RABGAP1: variants seen among roughly 807,000 people sequenced by gnomAD.
The protein encoded by RABGAP1 is rab GTPase-activating protein 1.
In RABGAP1, 23 loss-of-function variants were observed where a neutral mutation model predicts 137.6. That is an observed-to-expected ratio of 0.17 (90% CI 0.12 to 0.24). The LOEUF (loss-of-function observed/expected upper bound fraction) is 0.24, where lower values mean the gene tolerates loss of function less well. RABGAP1 is among the 10% of genes least tolerant of loss of function. The probability of loss-of-function intolerance (pLI) is 1.00; values close to 1 mark genes in which losing one functional copy is unlikely to be tolerated. For missense variants in RABGAP1, 906 were observed against 1,275.8 expected (o/e 0.71, Z 4.42); for synonymous variants, 451 against 450.7 (o/e 1.00, Z -0.01).
At chr9:123,000,200 C>T (rs1837247210) in intron 10 of RABGAP1, among the ~76,000 whole-genome samples, 2 of 151,958 alleles carry the variant, frequency 1.3e-5, no homozygotes, top group African/African-American at 4.8e-5. Flanking sequence ...TTAAGTGATG[C>T]ATTGTAGAGA....
chr9:122,988,339 A>C (rs954220880), intron 4 of RABGAP1, among the ~76,000 whole-genome samples: 6 of 152,162 alleles, frequency 3.9e-5, no homozygotes, highest in African/African-American at 1.4e-4. Flanking sequence ...TTGAAATTGC[A>C]TAGTTTCTTT....
intron 13 of RABGAP1, chr9:123,029,755 G>A (rs1420459934): frequency 2.5e-5 from 15 of 609,870 alleles, no homozygotes; most frequent in Non-Finnish European, 4.1e-5. Flanking sequence ...GGGTGGCATC[G>A]TGAAGCTCGG....
At chr9:123,003,464 A>G (rs1471304081) in intron 10 of RABGAP1, among the ~76,000 whole-genome samples, 1 of 152,204 alleles carries the variant, frequency 6.6e-6, no homozygotes, top group Non-Finnish European at 1.5e-5. Context: ...TAAAATTTTA[A>G]CCATTTTCCG....
intron 8 of RABGAP1, 190 bp from the exon 9 acceptor site, chr9:122,997,069 C>A: frequency 3.4e-6 from 2 of 591,368 alleles, no homozygotes; most frequent in South Asian, 2.0e-5. Flanking sequence ...TAAGCATATA[C>A]ATATAACTTC....
At chr9:123,095,455 C>T (rs918253362) in intron 21 of RABGAP1, among the ~76,000 whole-genome samples, 1 of 152,148 alleles carries the variant, frequency 6.6e-6, no homozygotes, top group Non-Finnish European at 1.5e-5. Flanking sequence ...AATCCCAGCA[C>T]TTTGGAGGCC....
chr9:122,979,795 G>C (rs1409543357), intron 2 of RABGAP1, among the ~76,000 whole-genome samples: 2 of 152,160 alleles, frequency 1.3e-5, no homozygotes, highest in East Asian at 1.9e-4. Context: ...TCTGGACTCT[G>C]TTCTGTGCCA....
chr9:123,096,713 C>T (rs576983169), intron 21 of RABGAP1, among the ~76,000 whole-genome samples: 14 of 152,260 alleles, frequency 9.2e-5, no homozygotes, highest in Non-Finnish European at 1.5e-4. Flanking sequence ...GGATTACAGG[C>T]GCCTGCCACC....
At chr9:122,992,060 A>C (rs1166994203) in intron 6 of RABGAP1, among the ~76,000 whole-genome samples, 2 of 151,600 alleles carry the variant, frequency 1.3e-5, no homozygotes, top group Non-Finnish European at 2.9e-5. Flanking sequence ...TTTTTGAGAC[A>C]GAGCCTTGCT....
intron 2 of RABGAP1, among the ~76,000 whole-genome samples, chr9:122,968,062 G>A (rs937715968): frequency 1.3e-5 from 2 of 151,972 alleles, no homozygotes; most frequent in Non-Finnish European, 2.9e-5. Context: ...TGGGTACATA[G>A]TAGGTGTATA....
chr9:123,022,607 A>C (rs1430246488), intron 13 of RABGAP1, among the ~76,000 whole-genome samples: 1 of 151,906 alleles, frequency 6.6e-6, no homozygotes, highest in African/African-American at 2.4e-5. Context: ...GGGTTTCACC[A>C]TATTGGCCAG....
intron 25 of RABGAP1, among the ~76,000 whole-genome samples, chr9:123,102,374 A>G (rs1409747893): frequency 6.6e-6 from 1 of 152,170 alleles, no homozygotes; most frequent in Non-Finnish European, 1.5e-5. Context: ...TATGGAGGGA[A>G]CAAGTTCAGG....
chr9:123,057,131 G>A (rs1192068000), intron 13 of RABGAP1, among the ~76,000 whole-genome samples: 6 of 149,398 alleles, frequency 4.0e-5, no homozygotes, highest in Non-Finnish European at 8.9e-5. Flanking sequence ...CCTCCCGGAC[G>A]GGGCGGCTGG....
chr9:123,086,528 G>C (rs2034871705), intron 19 of RABGAP1, among the ~76,000 whole-genome samples: 1 of 152,170 alleles, frequency 6.6e-6, no homozygotes, highest in Non-Finnish European at 1.5e-5. Flanking sequence ...TCCCCATTCG[G>C]GTTTCAGGCA....
At chr9:123,059,393 ATAAT>A (rs1186115302) in intron 13 of RABGAP1, among the ~76,000 whole-genome samples, 1 of 152,014 alleles carries the variant, frequency 6.6e-6, no homozygotes, top group African/African-American at 2.4e-5. Flanking sequence ...TCTCTACTAA[ATAAT>A]TAAAAAAATT....
intron 21 of RABGAP1, among the ~76,000 whole-genome samples, chr9:123,094,481 TAAA>T (rs1040190933): frequency 1.3e-5 from 2 of 152,258 alleles, no homozygotes; most frequent in Non-Finnish European, 1.5e-5. Flanking sequence ...TATAGTGAAA[TAAA>T]TTCACTTTTC....
intron 13 of RABGAP1, among the ~76,000 whole-genome samples, chr9:123,039,340 C>A (rs967946462): frequency 2.0e-5 from 3 of 152,164 alleles, no homozygotes; most frequent in African/African-American, 7.2e-5. Context: ...GGGACAGTGT[C>A]TCTTATCTGT....
intron 21 of RABGAP1, among the ~76,000 whole-genome samples, chr9:123,096,097 T>G (rs1019435050): frequency 6.6e-6 from 1 of 152,236 alleles, no homozygotes; most frequent in Non-Finnish European, 1.5e-5. Flanking sequence ...AAGTCTTATG[T>G]AGAACAACTT....
chr9:122,973,188 C>T (rs1455888088), intron 2 of RABGAP1, among the ~76,000 whole-genome samples: 5 of 152,130 alleles, frequency 3.3e-5, no homozygotes, highest in Admixed American at 6.5e-5. Flanking sequence ...TCTATAAATA[C>T]TGGTTGGGGA....
rs745780196 is a variant in RABGAP1 at position 122,998,771 on chromosome 9, T to C, written c.1374+5T>C. 1.6e-5 allele frequency: 25 copies of C among 1,554,966 alleles called. No individual in the cohort carries two copies. In the East Asian group the frequency reaches 5.6e-4, roughly 35 times the overall value. ...TTCTTTTTGAAACTAAAACAGGTACTGTATTTTTCTATTAATATAGAAGGG... is the reference window on the plus strand; with the variant it reads ...TTCTTTTTGAAACTAAAACAGGTACCGTATTTTTCTATTAATATAGAAGGG... On this transcript the variant is annotated splice_donor_5th_base_variant and intron_variant, in intron 10 of 25. Transcript: ENST00000373647.
Sources: gnomAD v4.1 joint callset for allele counts (sites outside exome capture counted in the v4.1 genomes callset) on GRCh38, gnomAD v4.1.1 for gene constraint, MANE v1.5 for transcripts, NCBI Gene and HGNC (gene_info 2026-07-23, HGNC 2026-07-21) for gene names.